Variants in VPS13B observed in about 807,000 individuals in gnomAD.
VPS13B encodes the protein intermembrane lipid transfer protein VPS13B.
Under a neutral mutation model 426.4 loss-of-function variants are expected in VPS13B, and 285 were observed. That is an observed-to-expected ratio of 0.67 (90% CI 0.61 to 0.74). The LOEUF (loss-of-function observed/expected upper bound fraction) is 0.74. Among genes scored for constraint, VPS13B ranks in the 30% least tolerant of loss-of-function variants. VPS13B has a pLI of 0.00. For synonymous variants in VPS13B, 1,676 were observed against 1,676.4 expected, an observed-to-expected ratio of 1.00 and a Z score of 0.01; for missense variants, 4,537 against 4,782.6, an observed-to-expected ratio of 0.95 and a Z score of 1.51.
chr8:99,414,105 G>T (rs886437817), intron 21 of VPS13B, among the ~76,000 whole-genome samples: 2 of 152,156 alleles, frequency 1.3e-5, no homozygotes, highest in African/African-American at 2.4e-5. Context: ...GAATCTGGGT[G>T]CTCCTGTATT....
intron 23 of VPS13B, among the ~76,000 whole-genome samples, chr8:99,455,731 C>T (rs999217150): frequency 6.6e-6 from 1 of 152,122 alleles, no homozygotes; most frequent in African/African-American, 2.4e-5. Context: ...AATATATAGT[C>T]TTTTGCATCT....
chr8:99,722,220 A>G (rs1833158834), intron 39 of VPS13B, among the ~76,000 whole-genome samples: 1 of 152,280 alleles, frequency 6.6e-6, no homozygotes, highest in Non-Finnish European at 1.5e-5. Context: ...CTCAAATGTC[A>G]TATCCTGACT....
chr8:99,481,673 C>CG lies in VPS13B; in HGVS notation c.3741_3742insG (p.Leu1248AlafsTer19), dbSNP rs1394936971. 6.2e-7 allele frequency: 1 copy of CG among 1,613,992 alleles called. No homozygotes were observed. Among genetic ancestry groups the CG allele is most frequent in the East Asian group, 2.2e-5 (1 of 44,870 alleles). ...AGATTCAGAAGAGAGGCAATCTCAA[C>CG]CTATCTCCAACCTCTCCAGAGACCA... On this transcript the variant is annotated frameshift_variant, in exon 25 of 62. Transcript: ENST00000357162. LOFTEE classifies it high-confidence loss of function.
At chr8:99,591,546 G>C (rs1472386208) in intron 33 of VPS13B, among the ~76,000 whole-genome samples, 2 of 152,028 alleles carry the variant, frequency 1.3e-5, no homozygotes, top group African/African-American at 4.8e-5. Flanking sequence ...AGGCAGATGT[G>C]GTGGTGACAA....
intron 33 of VPS13B, among the ~76,000 whole-genome samples, chr8:99,628,141 G>GT (rs892621765): frequency 6.6e-6 from 1 of 152,202 alleles, no homozygotes; most frequent in Non-Finnish European, 1.5e-5. Context: ...AACAAAGTCA[G>GT]TTTTTTCCCA....
chr8:99,493,796 AAAAAAGAAAAGAAAAAG>A (rs990776846), intron 25 of VPS13B, among the ~76,000 whole-genome samples: 21 of 149,952 alleles, frequency 1.4e-4, no homozygotes, highest in African/African-American at 5.1e-4. Context: ...AAAAAAAAAA[AAAAAAGAAAAGAAAAAG>A]AAAAAGAAAG....
intron 15 of VPS13B, among the ~76,000 whole-genome samples, chr8:99,168,257 CTT>C (rs1438083508): frequency 3.3e-5 from 5 of 152,000 alleles, no homozygotes; most frequent in Non-Finnish European, 7.4e-5. Context: ...ATAATAAAGA[CTT>C]TTAAAAAAAT....
At chr8:99,037,345 T>C (rs1191078184) in intron 2 of VPS13B, among the ~76,000 whole-genome samples, 2 of 152,178 alleles carry the variant, frequency 1.3e-5, no homozygotes, top group Middle Eastern at 3.4e-3. Flanking sequence ...AGCACCTTTA[T>C]AATGATTTCT....
chr8:99,840,791 CA>C (rs1159433594), intron 54 of VPS13B, among the ~76,000 whole-genome samples: 2 of 152,144 alleles, frequency 1.3e-5, no homozygotes, highest in African/African-American at 4.8e-5. Context: ...AAGCTTAAAG[CA>C]GCAGGTAGTA....
At chr8:99,605,848 T>C (rs1192168980) in intron 33 of VPS13B, among the ~76,000 whole-genome samples, 1 of 152,196 alleles carries the variant, frequency 6.6e-6, no homozygotes, top group Non-Finnish European at 1.5e-5. Context: ...TAAAATGGCC[T>C]GTGCAAGTAA....
At chr8:99,232,192 G>C (rs1331300094) in intron 17 of VPS13B, among the ~76,000 whole-genome samples, 1 of 152,092 alleles carries the variant, frequency 6.6e-6, no homozygotes, top group African/African-American at 2.4e-5. Context: ...GGAGAAGTAG[G>C]GGAGGGGAGG....
At chr8:99,338,666 C>G (rs186026732) in intron 19 of VPS13B, among the ~76,000 whole-genome samples, 1 of 152,112 alleles carries the variant, frequency 6.6e-6, no homozygotes, top group East Asian at 1.9e-4. Flanking sequence ...TATTTTGTTA[C>G]CTTATGTTGC....
intron 23 of VPS13B, among the ~76,000 whole-genome samples, chr8:99,447,444 G>A (rs1161800914): frequency 6.6e-6 from 1 of 152,154 alleles, no homozygotes; most frequent in Non-Finnish European, 1.5e-5. Context: ...CCATTTGCAT[G>A]CCAGCTTTAT....
chr8:99,839,950 C>T (rs557928820), intron 54 of VPS13B, among the ~76,000 whole-genome samples: 194 of 152,338 alleles, frequency 1.3e-3, no homozygotes, highest in African/African-American at 4.3e-3. Context: ...AATACAGCAA[C>T]GCTACAATTA....
At chr8:99,151,369 T>C (rs138011254) in intron 14 of VPS13B, among the ~76,000 whole-genome samples, 330 of 152,310 alleles carry the variant, frequency 2.2e-3, no homozygotes, top group Non-Finnish European at 4.2e-3. Flanking sequence ...AAATTTTGAA[T>C]TTTTAGTGAA....
At chr8:99,695,041 G>T (rs1245327292) in intron 35 of VPS13B, among the ~76,000 whole-genome samples, 99 of 146,856 alleles carry the variant, frequency 6.7e-4, no homozygotes, top group South Asian at 1.4e-3. Flanking sequence ...TAAAAAGTCA[G>T]GAAACAACAG....
intron 19 of VPS13B, among the ~76,000 whole-genome samples, chr8:99,338,674 T>A (rs1464045582): frequency 6.6e-6 from 1 of 152,168 alleles, no homozygotes; most frequent in African/African-American, 2.4e-5. Context: ...TACCTTATGT[T>A]GCTTATACAT....
At chr8:99,830,864 A>G (rs1814998887) in intron 51 of VPS13B, among the ~76,000 whole-genome samples, 1 of 151,816 alleles carries the variant, frequency 6.6e-6, no homozygotes, top group African/African-American at 2.4e-5. Flanking sequence ...GAGTTCCCTG[A>G]TCCCTTGCGC....
rs182639721 is a variant in VPS13B at position 99,103,567 on chromosome 8, C to T, written c.580+447C>T. On this transcript the variant is annotated intron_variant, in intron 5 of 61. Coordinates refer to ENST00000357162, the MANE Select transcript of VPS13B (RefSeq NM_152564.5). ...AGGCTGGAGTGCAGTGGCTCAATCTCGGCTCACTGCAAGTTCCACCTCCCC... is the reference window on the plus strand; with the variant it reads ...AGGCTGGAGTGCAGTGGCTCAATCTTGGCTCACTGCAAGTTCCACCTCCCC... Among the ~76,000 whole-genome samples the T allele has an allele frequency of 6.4e-3, 911 of 142,268 alleles. 12 individuals are homozygous for T. Among genetic ancestry groups the T allele is most frequent in the African/African-American group, 0.022 (827 of 38,076 alleles). 93.3% of individuals were successfully genotyped at this position (142,268 alleles called of 152,430 possible).
Sources: allele counts gnomAD v4.1 joint callset (sites outside exome capture counted in the v4.1 genomes callset), GRCh38; gene constraint gnomAD v4.1.1; transcripts MANE v1.5; gene names NCBI Gene and HGNC (gene_info 2026-07-23, HGNC 2026-07-21).